Variants in ADRM1 observed in about 807,000 individuals in gnomAD.
The protein encoded by ADRM1 is proteasomal ubiquitin receptor ADRM1.
Under a neutral mutation model 40.1 loss-of-function variants are expected in ADRM1, and 2 were observed. That is an observed-to-expected ratio of 0.05 (90% CI 0.02 to 0.16). The LOEUF is 0.16. Ranked by LOEUF, ADRM1 falls within the 10% of genes least tolerant of loss-of-function variation. ADRM1 has a pLI of 1.00. For missense variants in ADRM1, 467 were observed against 552.5 expected, an observed-to-expected ratio of 0.85 and a Z score of 1.55; for synonymous variants, 287 against 240.4, an observed-to-expected ratio of 1.19 and a Z score of -1.79.
chr20:62,303,622 C>T lies in ADRM1; in HGVS notation c.54C>T (p.Ala18=), dbSNP rs1984447934. 6.2e-7 allele frequency: 1 copy of T among 1,607,642 alleles called. No individual in the cohort carries two copies. Among genetic ancestry groups the T allele is most frequent in the East Asian group, 2.2e-5 (1 of 44,776 alleles). ...FPSLVPGSRG[A]SNKYLVEFRA... ...GCCTGGTGCCAGGCTCTCGGGGCGC[C>T]TCCAACAAGTACTTGGTGGAGTTTC... is the stretch of plus-strand genomic sequence containing the variant. The change falls in exon 2 of 10, where the codon GCC becomes GCT. Residue 18 remains alanine (A), a synonymous_variant. Transcript: ENST00000253003.
At chr20:62,306,369 A>C in intron 4 of ADRM1, 49 bp downstream of exon 4, 2 of 1,609,410 alleles carry the variant, frequency 1.2e-6, no homozygotes, top group Non-Finnish European at 1.7e-6. Context: ...GGGAGGCCAG[A>C]GTCTACTGTG....
chr20:62,306,455 C>T (rs753252150), intron 4 of ADRM1, 135 bp downstream of exon 4: 2 of 1,444,612 alleles, frequency 1.4e-6, no homozygotes, highest in Non-Finnish European at 1.9e-6. Context: ...CCTGTGAGCT[C>T]CCTGGGTCAC....
rs761429907 is a variant in ADRM1 at position 62,308,046 on chromosome 20, G to A, written c.882G>A (p.Pro294=). Residue 294 remains proline, a synonymous_variant, in exon 8 of 10, where the codon CCG becomes CCA. Coordinates refer to ENST00000253003, the MANE Select transcript of ADRM1 (RefSeq NM_007002.4). ...TGGACCTGGCCAGTGTGCTGACGCC[G>A]GAGATAATGGCTCCCATCCTCGCCA... ...QQVDLASVLT[P]EIMAPILANA... 1.6e-5 allele frequency: 25 copies of A among 1,611,284 alleles called. No individual in the cohort carries two copies. The highest frequency in any genetic ancestry group is 4.5e-5 in the East Asian group (2 of 44,844).
intron 2 of ADRM1, chr20:62,304,190 A>G (rs951495634): frequency 3.3e-5 from 17 of 510,792 alleles, no homozygotes; most frequent in Non-Finnish European, 5.3e-5. Context: ...CTTTTTAACT[A>G]CTCTGGGAAT....
In ADRM1 at chr20:62,307,814, C is replaced by T; in HGVS notation, c.842C>T (p.Ala281Val). Residue 281 changes from alanine (A) to valine (V), a missense_variant, in exon 7 of 10, where the codon GCA becomes GTA. Coordinates refer to ENST00000253003, the MANE Select transcript of ADRM1 (RefSeq NM_007002.4). ...ACGATGAACGTACCAGCCGGGCCAG[C>T]AGGCGGCCAGCAAGGTAACGTGTGC... is the stretch of plus-strand genomic sequence containing the variant. Reference protein sequence around the residue: ...LATMNVPAGPAGGQQVDLASV... With the variant: ...LATMNVPAGPVGGQQVDLASV... 6.2e-7 allele frequency: 1 copy of T among 1,607,504 alleles called. No homozygotes were observed.
Position 62,307,679 on chromosome 20 carries a change from C to T in ADRM1, c.707C>T (p.Ala236Val), listed in dbSNP as rs1394788418. Residue 236 changes from alanine to valine, a missense_variant, in exon 7 of 10, where the codon GCT becomes GTT. Physicochemically the swap from Ala to Val is moderately conservative, Grantham distance 64 (BLOSUM62 0). Around this residue, in one of 3 missense-constraint regions of ADRM1, gnomAD observed 418 missense variants for 474.6 expected, o/e 0.88. Coordinates refer to ENST00000253003, the MANE Select transcript of ADRM1 (RefSeq NM_007002.4). ...RATPAPSAPA[A>V]ASATSPSPAP... ...ACCCCAGCCCCTTCTGCTCCAGCAG[C>T]TGCCTCAGCAACTAGCCCGAGCCCC... is the stretch of plus-strand genomic sequence containing the variant. 1.9e-6 allele frequency: 3 copies of T among 1,612,186 alleles called. No individual in the cohort carries two copies. In the Admixed American group the frequency reaches 5.0e-5, roughly 27 times the overall value.
chr20:62,306,875 G>A (rs994095222), intron 5 of ADRM1, 141 bp downstream of exon 5: 6 of 866,326 alleles, frequency 6.9e-6, no homozygotes, highest in African/African-American at 3.4e-5. Context: ...TCCCCTTTGG[G>A]AATGCGCTTG....
At position 62,308,512 on chromosome 20, in the gene ADRM1, A is replaced by G. The variant is rs570319997; in HGVS notation, c.1117+42A>G. ...GCACCTCCAGGCCAGAGCCAGGGGC[A>G]GGGTCCATTCCTGTCCCCCTGGATC... On this transcript the variant is annotated intron_variant, in intron 9 of 9. Transcript: ENST00000253003. 4 of 1,572,232 alleles carry G rather than the reference A, an allele frequency of 2.5e-6. No homozygotes were observed. The South Asian group carries it at 4.6e-5, about 18-fold the overall frequency.
chr20:62,304,239 G>T (rs867069066), intron 2 of ADRM1: 6 of 561,272 alleles, frequency 1.1e-5, no homozygotes, highest in Non-Finnish European at 1.3e-5. Context: ...GTTGCCATCT[G>T]AAAGGCCCCT....
Position 62,303,901 on chromosome 20 carries a change from G to A in ADRM1, c.213+120G>A. 5.2e-6 allele frequency: 5 copies of A among 966,126 alleles called. No individual in the cohort carries two copies. In the East Asian group the frequency reaches 1.3e-4, roughly 25 times the overall value. 59.8% of individuals were successfully genotyped at this position (966,126 alleles called of 1,614,324 possible). A position where few individuals can be genotyped will look rare whatever the true frequency, so the allele number is the denominator to read the frequency against. ...GGGGACCGCTCGTGGGGCCGTCATC[G>A]ACTGCCCTGCTGATGGGTCGTCCTG... is the stretch of plus-strand genomic sequence containing the variant. On this transcript the variant is annotated intron_variant, in intron 2 of 9. Transcript: ENST00000253003.
intron 5 of ADRM1, 50 bp downstream of exon 5, chr20:62,306,784 G>T: frequency 6.7e-7 from 1 of 1,495,336 alleles, no homozygotes; most frequent in Non-Finnish European, 9.1e-7. Flanking sequence ...GGAATGCTTT[G>T]AGGCCCGGTC....
rs1248219132 is a variant in ADRM1, at chr20:62,307,616, C to G, written c.644C>G (p.Ala215Gly). 1.2e-6 allele frequency: 2 copies of G among 1,611,190 alleles called. No individual in the cohort carries two copies. The highest frequency in any genetic ancestry group is 1.7e-6 in the Non-Finnish European group (2 of 1,179,786). Residue 215 changes from alanine to glycine, a missense_variant, in exon 7 of 10, where the codon GCG (alanine) becomes GGG (glycine). Coordinates refer to ENST00000253003, the MANE Select transcript of ADRM1 (RefSeq NM_007002.4). ...CGCAGCTCCCGGAGCCAGTCGGCAG[C>G]GGTCACCCCGTCATCCACCACCTCT... is the stretch of plus-strand genomic sequence containing the variant. The part of the protein sequence containing the change: ...SSSSSRSQSA[A>G]VTPSSTTSST...
Position 62,308,662 on chromosome 20 carries a change from A to G in ADRM1, c.1125A>G (p.Glu375=). ...GTCTTTAACGTGTTCTAGATGTGGA[A>G]GCGTTTGCCAAAGCCATGCAGAACA... ...AVEAANKGDV[E]AFAKAMQNNA... Residue 375 remains glutamate (E), a synonymous_variant, in exon 10 of 10, where the codon GAA becomes GAG. Transcript: ENST00000253003. 1.9e-6 allele frequency: 3 copies of G among 1,613,002 alleles called. No homozygotes were observed. The highest frequency in any genetic ancestry group is 2.5e-6 in the Non-Finnish European group (3 of 1,179,948).
intron 2 of ADRM1, 118 bp downstream of exon 2, chr20:62,303,899 TC>T: frequency 1.0e-6 from 1 of 969,090 alleles, no homozygotes; most frequent in Non-Finnish European, 1.5e-6. Context: ...GGGGCCGTCA[TC>T]GACTGCCCTG....
chr20:62,306,426 G>A (rs745715892), intron 4 of ADRM1, 106 bp downstream of exon 4: 3 of 1,579,690 alleles, frequency 1.9e-6, no homozygotes, highest in South Asian at 1.1e-5. Flanking sequence ...GGAAATAGAA[G>A]ATTCTAAAAG....
rs781447504 is a variant in ADRM1 at position 62,307,556 on chromosome 20, T to C, written c.624-40T>C. On this transcript the variant is annotated intron_variant, in intron 6 of 9. Coordinates refer to ENST00000253003, the MANE Select transcript of ADRM1 (RefSeq NM_007002.4). ...GACCCTGCGAGTAGGCCCTGCCGTG[T>C]GGGGCGTGTCCGCTCCAGCGGTGCC... 1.6e-5 allele frequency: 25 copies of C among 1,602,458 alleles called. No individual in the cohort carries two copies. In the South Asian group the frequency reaches 2.7e-4, roughly 17 times the overall value.
chr20:62,306,806 T>A, intron 5 of ADRM1, 72 bp downstream of exon 5: 3 of 1,376,754 alleles, frequency 2.2e-6, no homozygotes, highest in African/African-American at 1.4e-5. Context: ...CTGTTTCCTT[T>A]AAACTTCTGC....
At chr20:62,306,578 C>A in intron 4 of ADRM1, 70 bp from the exon 5 acceptor site, 3 of 1,461,720 alleles carry the variant, frequency 2.1e-6, no homozygotes, top group Admixed American at 4.0e-5. Context: ...TCAGCAGAGG[C>A]GCAGGCAGTG....
chr20:62,308,814 C>T lies in ADRM1; in HGVS notation c.*53C>T, dbSNP rs1985608841. 2.5e-6 allele frequency: 4 copies of T among 1,593,080 alleles called. No individual in the cohort carries two copies. Among genetic ancestry groups the T allele is most frequent in the African/African-American group, 1.4e-5 (1 of 74,002 alleles). On this transcript the variant is annotated 3_prime_UTR_variant, in exon 10 of 10. Coordinates refer to ENST00000253003, the MANE Select transcript of ADRM1 (RefSeq NM_007002.4). Reference sequence around the variant, plus strand: ...GCGCTTGCAGTGCGTTGCACACCCTCACCTCCCACCCACTGATTATTAATA... The same window carrying T: ...GCGCTTGCAGTGCGTTGCACACCCTTACCTCCCACCCACTGATTATTAATA...
Sources: allele counts gnomAD v4.1 joint callset, GRCh38; gene constraint gnomAD v4.1.1; regional missense constraint gnomAD v4.1.1; transcripts MANE v1.5; gene names NCBI Gene and HGNC (gene_info 2026-07-23, HGNC 2026-07-21).